CHRM2: variants seen among roughly 807,000 people sequenced by gnomAD.
CHRM2 encodes cholinergic receptor muscarinic 2.
Under a neutral mutation model 25.0 loss-of-function variants are expected in CHRM2, and 8 were observed. That is an observed-to-expected ratio of 0.32 (90% CI 0.19 to 0.58). The LOEUF is 0.58. Among genes scored for constraint, CHRM2 ranks in the 20% least tolerant of loss-of-function variants. The pLI, the probability that CHRM2 is intolerant of heterozygous loss-of-function variation, is 0.88. For synonymous variants in CHRM2, 202 were observed against 205.7 expected, an observed-to-expected ratio of 0.98 and a Z score of 0.15; for missense variants, 440 against 567.1, an observed-to-expected ratio of 0.78 and a Z score of 2.28.
rs552220011 is a variant in CHRM2, at chr7:136,976,020, G to A, written c.-124-16167G>A. Among the ~76,000 whole-genome samples, 5 of 152,212 alleles carry A rather than the reference G, an allele frequency of 3.3e-5. No homozygotes were observed. The East Asian group carries it at 7.7e-4, about 23-fold the overall frequency. On this transcript the variant is annotated intron_variant, in intron 2 of 3. Coordinates refer to ENST00000680005, the MANE Select transcript of CHRM2 (RefSeq NM_001006630.2). ...GTATTATGATTACAGAGACAGGAGA[G>A]GGATACTTCCAAAGAAGTTAAATTA...
At chr7:136,912,236 C>T (rs1047796743) in intron 2 of CHRM2, among the ~76,000 whole-genome samples, 2 of 151,744 alleles carry the variant, frequency 1.3e-5, no homozygotes, top group Non-Finnish European at 2.9e-5. Context: ...ATATTGGGTG[C>T]TGTCAAAGAA....
intron 2 of CHRM2, among the ~76,000 whole-genome samples, chr7:136,907,554 T>C (rs906293017): frequency 6.6e-6 from 1 of 151,884 alleles, no homozygotes; most frequent in Non-Finnish European, 1.5e-5. Flanking sequence ...TCTTCTTGAA[T>C]CTCCAAATTT....
At chr7:136,949,009 C>G (rs1475130902) in intron 2 of CHRM2, among the ~76,000 whole-genome samples, 2 of 152,118 alleles carry the variant, frequency 1.3e-5, no homozygotes, top group African/African-American at 4.8e-5. Context: ...ACATCAAGAA[C>G]AAACAGCAAG....
At chr7:136,951,239 G>T (rs942426660) in intron 2 of CHRM2, among the ~76,000 whole-genome samples, 1 of 152,134 alleles carries the variant, frequency 6.6e-6, no homozygotes, top group Non-Finnish European at 1.5e-5. Context: ...GGCAAAAGGT[G>T]CCAGGCACAT....
intron 3 of CHRM2, among the ~76,000 whole-genome samples, chr7:136,997,033 G>A (rs546610251): frequency 9.9e-5 from 15 of 152,062 alleles, no homozygotes; most frequent in Non-Finnish European, 2.1e-4. Flanking sequence ...TGGAGTAGTT[G>A]ACAGCTTTTC....
rs371299918 is a variant in CHRM2 at position 136,986,720 on chromosome 7, T to C, written c.-124-5467T>C. Reference sequence around the variant, plus strand: ...AGAAATGTCAAATAATGATTTGTTCTACCCTGGGGCAAGCCGTATTCCTAA... The same window carrying C: ...AGAAATGTCAAATAATGATTTGTTCCACCCTGGGGCAAGCCGTATTCCTAA... On this transcript the variant is annotated intron_variant, in intron 2 of 3. Transcript: ENST00000680005. 4.2e-4 allele frequency among the ~76,000 whole-genome samples: 64 copies of C among 152,312 alleles called. 1 individual carries two copies. In the South Asian group the frequency reaches 0.012, roughly 29 times the overall value.
Position 136,869,600 on chromosome 7 carries a change from G to T in CHRM2, c.-125+182G>T, listed in dbSNP as rs1795732964. Among the ~76,000 whole-genome samples, 1 of 152,170 alleles carries T rather than the reference G, an allele frequency of 6.6e-6. No individual in the cohort carries two copies. Among genetic ancestry groups the T allele is most frequent in the South Asian group, 2.1e-4 (1 of 4,832 alleles). ...AAACTTTGGATCCTGGGGCTTGGAG[G>T]GTTGCGAGCAGTGATGGCGGGTCTG... On this transcript the variant is annotated intron_variant, in intron 2 of 3. Transcript: ENST00000680005. This position sits in a 1 kb window ranked among gnomAD's most constrained non-coding sequence, Gnocchi z 4.9.
chr7:137,009,027 C>T (rs1029844655), intron 3 of CHRM2, among the ~76,000 whole-genome samples: 62 of 152,030 alleles, frequency 4.1e-4, no homozygotes, highest in African/African-American at 1.5e-3. Flanking sequence ...TCATTCTTTT[C>T]AGGGCTATTG....
intron 2 of CHRM2, among the ~76,000 whole-genome samples, chr7:136,984,331 G>T (rs140533738): frequency 6.6e-6 from 1 of 152,144 alleles, no homozygotes; most frequent in Non-Finnish European, 1.5e-5. Flanking sequence ...AGACTGCTGT[G>T]CTGGCAGCGA....
chr7:136,885,822 A>C (rs1796440328), intron 2 of CHRM2, among the ~76,000 whole-genome samples: 1 of 152,186 alleles, frequency 6.6e-6, no homozygotes, highest in African/African-American at 2.4e-5. Context: ...AGCACTAGAG[A>C]GTCAATGGGG....
Position 137,015,383 on chromosome 7 carries a change from A to T in CHRM2, c.518A>T (p.Asp173Val). The T allele has an allele frequency of 6.2e-7, 1 of 1,613,412 alleles. No individual in the cohort carries two copies. The highest frequency in any genetic ancestry group is 2.2e-5 in the East Asian group (1 of 44,810). ...QFIVGVRTVE[D>V]GECYIQFFSN... The stretch of plus-strand genomic sequence containing the variant: ...ATTGTAGGGGTGAGAACTGTGGAGG[A>T]TGGGGAGTGCTACATTCAGTTTTTT... The change falls in exon 4 of 4, where the codon GAT (aspartate) becomes GTT (valine). Residue 173 changes from aspartate to valine, a missense_variant. By Grantham distance (152) the Asp-to-Val change is radical (BLOSUM62 -3). Coordinates refer to ENST00000680005, the MANE Select transcript of CHRM2 (RefSeq NM_001006630.2). The surrounding 1 kb of genome is among the most constrained non-coding windows in gnomAD (Gnocchi z 5.1).
chr7:136,909,664 T>C (rs914018599), intron 2 of CHRM2, among the ~76,000 whole-genome samples: 1 of 151,960 alleles, frequency 6.6e-6, no homozygotes, highest in African/African-American at 2.4e-5. Flanking sequence ...TACACACATA[T>C]ATGCATACTG....
chr7:136,929,321 C>T (rs889564979), intron 2 of CHRM2, among the ~76,000 whole-genome samples: 1 of 151,238 alleles, frequency 6.6e-6, no homozygotes, highest in Admixed American at 6.6e-5. Flanking sequence ...CTCTTGCCCC[C>T]TTAATTTTTG....
At chr7:136,974,467 G>A (rs1056153491) in intron 2 of CHRM2, among the ~76,000 whole-genome samples, 2 of 152,062 alleles carry the variant, frequency 1.3e-5, no homozygotes, top group African/African-American at 2.4e-5. Context: ...GTCAGGGGAC[G>A]CTTTACTTGG....
intron 2 of CHRM2, among the ~76,000 whole-genome samples, chr7:136,982,266 C>A (rs983415319): frequency 7.9e-5 from 12 of 152,094 alleles, no homozygotes; most frequent in African/African-American, 2.4e-4. Context: ...AGGATTGCAA[C>A]CCCTACTTAT....
At chr7:136,903,171 G>A (rs781647985) in intron 2 of CHRM2, 2 of 534,172 alleles carry the variant, frequency 3.7e-6, no homozygotes, top group East Asian at 5.5e-5. Flanking sequence ...ACTTTATGGA[G>A]GCCTTGCTGG....
intron 2 of CHRM2, among the ~76,000 whole-genome samples, chr7:136,895,586 T>C (rs989394362): frequency 3.3e-5 from 5 of 152,196 alleles, no homozygotes; most frequent in African/African-American, 1.2e-4. Context: ...TATTAATTCA[T>C]TAGTAGCAAC....
At chr7:136,918,761 G>C (rs1365944590) in intron 2 of CHRM2, among the ~76,000 whole-genome samples, 3 of 151,950 alleles carry the variant, frequency 2.0e-5, no homozygotes, top group African/African-American at 7.3e-5. Flanking sequence ...TAAGACTGTT[G>C]ATTCTCCAGG....
Position 137,015,177 on chromosome 7 carries a change from T to C in CHRM2, c.312T>C (p.Tyr104=). 3 of 1,613,586 alleles carry C rather than the reference T, an allele frequency of 1.9e-6. No homozygotes were observed. The highest frequency in any genetic ancestry group is 1.7e-6 in the Non-Finnish European group (2 of 1,179,672). The change falls in exon 4 of 4, where the codon TAT becomes TAC. Residue 104 remains tyrosine (Y), a synonymous_variant. Transcript: ENST00000680005. The surrounding 1 kb of genome is among the most constrained non-coding windows in gnomAD (Gnocchi z 5.1). ...VVCDLWLALD[Y]VVSNASVMNL... ...GTGACCTTTGGCTAGCCCTGGACTA[T>C]GTGGTCAGCAATGCCTCAGTTATGA...
Sources: allele counts gnomAD v4.1 joint callset (sites outside exome capture counted in the v4.1 genomes callset), GRCh38; gene constraint gnomAD v4.1.1; non-coding constraint Gnocchi (gnomAD v3.1); transcripts MANE v1.5; gene names NCBI Gene and HGNC (gene_info 2026-07-23, HGNC 2026-07-21).